The following GLB1L3 variants were observed in gnomAD, a reference collection of about 807,000 sequenced individuals.
GLB1L3 encodes galactosidase beta 1 like 3.
GLB1L3 carries 89 observed loss-of-function variants against 89.5 expected under a neutral mutation model. The ratio of observed to expected loss-of-function variants is 0.99; its 90% CI spans 0.84 to 1.19. The LOEUF (loss-of-function observed/expected upper bound fraction) is 1.19. Among genes scored for constraint, GLB1L3 ranks in the 50% most tolerant of loss-of-function variants. The pLI, the probability that GLB1L3 is intolerant of heterozygous loss-of-function variation, is 0.00. For synonymous variants in GLB1L3, 314 were observed against 312.3 expected (o/e 1.01, Z -0.06); for missense variants, 812 against 813.3 (o/e 1.00, Z 0.02).
At position 134,292,188 on chromosome 11, in the gene GLB1L3, T is replaced by C. The variant is rs1438443454; in HGVS notation, c.786T>C (p.His262=). ...TCTTGACCTCTGATGGTGAGAAACA[T>C]GTGCTGAGTGGCCACACCAAAGGAG... The part of the protein sequence containing the change: ...ELLLTSDGEK[H]VLSGHTKGVL... Residue 262 remains histidine (H), a synonymous_variant, in exon 8 of 20, where the codon CAT becomes CAC. Transcript: ENST00000431683. 2 of 1,613,178 alleles carry C rather than the reference T, an allele frequency of 1.2e-6. No individual in the cohort carries two copies. Among genetic ancestry groups the C allele is most frequent in the East Asian group, 4.5e-5 (2 of 44,864 alleles).
In GLB1L3 at chr11:134,313,350, G is replaced by A. The variant is rs538132445; in HGVS notation, c.1501-46G>A. On this transcript the variant is annotated intron_variant, in intron 15 of 19. Coordinates refer to ENST00000431683, the MANE Select transcript of GLB1L3 (RefSeq NM_001080407.3). ...TGAAAAAACGGGTTGTCGGGTAGAC[G>A]CCCTCCATGGCTGCGTGGTCTCCAT... The A allele has an allele frequency of 1.1e-4, 154 of 1,465,426 alleles. No individual in the cohort carries two copies. The East Asian group carries it at 1.5e-3, about 15-fold the overall frequency. 90.8% of individuals were successfully genotyped at this position (1,465,426 alleles called of 1,614,324 possible).
At chr11:134,286,655 T>C (rs1941006952) in intron 6 of GLB1L3, among the ~76,000 whole-genome samples, 3 of 150,596 alleles carry the variant, frequency 2.0e-5, no homozygotes, top group Non-Finnish European at 4.4e-5. Context: ...CGGGCGCCTG[T>C]AGTCCCAGCT....
intron 10 of GLB1L3, 42 bp downstream of exon 10, chr11:134,307,250 C>G (rs1302195675): frequency 1.4e-6 from 2 of 1,420,182 alleles, no homozygotes; most frequent in Non-Finnish European, 2.0e-6. Context: ...GAGATGGCCC[C>G]AGGTCCCATG....
intron 7 of GLB1L3, chr11:134,289,101 C>T: frequency 4.2e-6 from 2 of 470,802 alleles, no homozygotes; most frequent in African/African-American, 2.0e-5. Flanking sequence ...CACTAATAGT[C>T]TACTGTTGAC....
At chr11:134,321,469 C>T (rs1019866426), downstream of GLB1L3, among the ~76,000 whole-genome samples, 14 of 152,186 alleles carry the variant, frequency 9.2e-5, no homozygotes, top group East Asian at 2.5e-3. Context: ...CACATGCACA[C>T]GTATGTTTAT....
At chr11:134,305,497 G>A (rs1942161449) in intron 9 of GLB1L3, among the ~76,000 whole-genome samples, 1 of 152,130 alleles carries the variant, frequency 6.6e-6, no homozygotes, top group African/African-American at 2.4e-5. Context: ...TGTTGTTTGT[G>A]TTTCCATTTC....
upstream of GLB1L3, chr11:134,275,939 C>G (rs1940353250): frequency 6.5e-6 from 1 of 152,752 alleles, no homozygotes; most frequent in African/African-American, 2.4e-5. Context: ...CAGCCTCCAC[C>G]CTGCAGCCGA....
chr11:134,277,534 G>A (rs1940443920), intron 2 of GLB1L3, 83 bp downstream of exon 2: 1 of 1,564,870 alleles, frequency 6.4e-7, no homozygotes, highest in Admixed American at 1.7e-5. Context: ...AATATGCACA[G>A]AACACGTCCT....
At chr11:134,298,619 C>T (rs1008727856) in intron 9 of GLB1L3, among the ~76,000 whole-genome samples, 5 of 152,158 alleles carry the variant, frequency 3.3e-5, no homozygotes, top group South Asian at 2.1e-4. Flanking sequence ...ATAAGTCTCA[C>T]GAGATCTGAT....
At chr11:134,294,767 C>G (rs544006222) in intron 9 of GLB1L3, among the ~76,000 whole-genome samples, 5 of 152,362 alleles carry the variant, frequency 3.3e-5, no homozygotes, top group African/African-American at 1.2e-4. Context: ...TTCTTTCACA[C>G]AGCGTGGTGT....
chr11:134,308,256 CCACCACCACCACCACCACCACCACCAAA>C (rs1942356544), intron 10 of GLB1L3, among the ~76,000 whole-genome samples: 4 of 35,912 alleles, frequency 1.1e-4, no homozygotes, highest in Non-Finnish European at 1.7e-4. Context: ...ACCACCATCA[CCACCACCACCACCACCACCACCACCAAA>C]TACCACCACC....
At chr11:134,289,310 C>T (rs1941204532) in intron 7 of GLB1L3, among the ~76,000 whole-genome samples, 1 of 151,954 alleles carries the variant, frequency 6.6e-6, no homozygotes, top group Admixed American at 6.6e-5. Flanking sequence ...TCAGGTTAAA[C>T]AGGCTGAGGG....
intron 10 of GLB1L3, among the ~76,000 whole-genome samples, chr11:134,308,601 C>CACCAT (rs1942535125): frequency 7.1e-6 from 1 of 140,022 alleles, no homozygotes; most frequent in Admixed American, 7.0e-5. Context: ...ACCATCACCT[C>CACCAT]CACCACCACC....
chr11:134,312,329 C>G lies in GLB1L3; in HGVS notation c.1288-20C>G, dbSNP rs933173399. 9.3e-6 allele frequency: 15 copies of G among 1,612,176 alleles called. No individual in the cohort carries two copies. The highest frequency in any genetic ancestry group is 1.1e-5 in the Non-Finnish European group (13 of 1,179,392). On this transcript the variant is annotated intron_variant, in intron 13 of 19. Transcript: ENST00000431683. ...ACTGCTCAGCCCTTGGACTTCTGCT[C>G]TTGCCATTTCTCCTCATAGCCAGTC...
chr11:134,282,249 G>A (rs75230921), intron 5 of GLB1L3, 129 bp downstream of exon 5: 48,512 of 1,138,264 alleles, frequency 0.043, 1,263 homozygotes, highest in Non-Finnish European at 0.049. Context: ...GCTGCCCCAC[G>A]CCACGCACCG....
chr11:134,301,386 G>C (rs1261053092), intron 9 of GLB1L3, among the ~76,000 whole-genome samples: 3 of 152,116 alleles, frequency 2.0e-5, no homozygotes, highest in African/African-American at 7.2e-5. Context: ...CTAGGAATAT[G>C]TCCATTTCAC....
intron 7 of GLB1L3, among the ~76,000 whole-genome samples, chr11:134,291,209 G>A (rs1276726985): frequency 1.3e-5 from 2 of 151,520 alleles, no homozygotes; most frequent in Non-Finnish European, 2.9e-5. Context: ...ATCGGTCGGT[G>A]TTCAAGTTCT....
intron 3 of GLB1L3, among the ~76,000 whole-genome samples, chr11:134,280,889 T>C (rs1442474025): frequency 1.3e-5 from 2 of 152,170 alleles, no homozygotes; most frequent in African/African-American, 4.8e-5. Flanking sequence ...CCTAATAAAA[T>C]TTTTACTCAT....
downstream of GLB1L3, among the ~76,000 whole-genome samples, chr11:134,324,318 G>C (rs1943198240): frequency 6.6e-6 from 1 of 152,202 alleles, no homozygotes; most frequent in Non-Finnish European, 1.5e-5. Flanking sequence ...TATAATTCAG[G>C]AAAACATATT....
Sources: gnomAD v4.1 joint callset for allele counts (sites outside exome capture counted in the v4.1 genomes callset) on GRCh38, gnomAD v4.1.1 for gene constraint, MANE v1.5 for transcripts, NCBI Gene and HGNC (gene_info 2026-07-23, HGNC 2026-07-21) for gene names.